DRAXIN: variants seen among roughly 807,000 people sequenced by gnomAD.
The protein encoded by DRAXIN is dorsal inhibitory axon guidance protein.
A neutral mutation model predicts 33.9 loss-of-function variants in DRAXIN; 27 were observed. The ratio of observed to expected loss-of-function variants is 0.80; its 90% CI spans 0.59 to 1.10. The LOEUF (loss-of-function observed/expected upper bound fraction) is 1.10. DRAXIN is among the 50% of genes least tolerant of loss of function. The pLI is 0.00. For synonymous variants in DRAXIN, 178 were observed against 194.0 expected, an observed-to-expected ratio of 0.92 and a Z score of 0.69; for missense variants, 371 against 460.8, an observed-to-expected ratio of 0.81 and a Z score of 1.78.
At position 11,706,474 on chromosome 1, in the gene DRAXIN, C is replaced by T; in HGVS notation, c.216C>T (p.Pro72=). The change falls in exon 2 of 7, where the codon CCC becomes CCT. Residue 72 remains proline, a synonymous_variant. Transcript: ENST00000294485. The surrounding 1 kb of genome is among the most constrained non-coding windows in gnomAD (Gnocchi z 5.5). ...PGKKEWGPGL[P]SQAQDGAVVT... Reference sequence around the variant, plus strand: ...AGAAGGAGTGGGGCCCAGGCCTGCCCAGCCAGGCCCAGGATGGGGCTGTGG... The same window carrying T: ...AGAAGGAGTGGGGCCCAGGCCTGCCTAGCCAGGCCCAGGATGGGGCTGTGG... The T allele has an allele frequency of 6.2e-7, 1 of 1,610,826 alleles. No homozygotes were observed.
rs927726918 is a variant in DRAXIN at position 11,704,930 on chromosome 1, TC to T, written c.-10-1313del. Reference sequence around the variant, plus strand: ...ACCCTGCGAGGCTGGAGAAGGTGTTTCCCCCCTCCCCTCCACGAGTGCGTGG... The same window carrying T: ...ACCCTGCGAGGCTGGAGAAGGTGTTTCCCCCTCCCCTCCACGAGTGCGTGG... On this transcript the variant is annotated intron_variant, in intron 1 of 6. Transcript: ENST00000294485. The surrounding 1 kb of genome is among the most constrained non-coding windows in gnomAD (Gnocchi z 4.6). Among the ~76,000 whole-genome samples the T allele has an allele frequency of 3.3e-5, 5 of 151,864 alleles. No homozygotes were observed. The highest frequency in any genetic ancestry group is 4.4e-5 in the Non-Finnish European group (3 of 67,956).
rs1641732595 is a variant in DRAXIN at position 11,725,467 on chromosome 1, A to G, written c.*5771A>G. The G allele has an allele frequency of 6.6e-6, 1 of 152,240 alleles. No individual in the cohort carries two copies. Among genetic ancestry groups the G allele is most frequent in the African/African-American group, 2.4e-5 (1 of 41,446 alleles). 9.4% of individuals were successfully genotyped at this position (152,240 alleles called of 1,614,324 possible). On this transcript the variant is annotated 3_prime_UTR_variant, in exon 7 of 7. Coordinates refer to ENST00000294485, the MANE Select transcript of DRAXIN (RefSeq NM_198545.4). ...TTGGGCACGATCAAATTTGAGAATC[A>G]CAGGTCTAGGATACGACGGGGAAAA...
At chr1:11,688,639 C>T (rs1021502038), upstream of DRAXIN, among the ~76,000 whole-genome samples, 1 of 152,154 alleles carries the variant, frequency 6.6e-6, no homozygotes, top group Non-Finnish European at 1.5e-5. This position sits in a 1 kb window ranked among gnomAD's most constrained non-coding sequence, Gnocchi z 4.6. Context: ...CTCATGGTCC[C>T]TCTAAAAAGC....
In DRAXIN at chr1:11,724,658, C is replaced by A. The variant is rs1026873377; in HGVS notation, c.*4962C>A. On this transcript the variant is annotated 3_prime_UTR_variant, in exon 7 of 7. Transcript: ENST00000294485. ...GAGGTGGTGGGCACACGGCCCCTGC[C>A]GTGGGGCTCACTCTGCAGCTGGAGA... 2 of 152,274 alleles carry A rather than the reference C, an allele frequency of 1.3e-5. No individual in the cohort carries two copies. Among genetic ancestry groups the A allele is most frequent in the Non-Finnish European group, 2.9e-5 (2 of 68,056 alleles). The allele number at this position is 152,274 out of a possible 1,614,324, so 9.4% of individuals were successfully genotyped here. A position where few individuals can be genotyped will look rare whatever the true frequency, so the allele number is the denominator to read the frequency against.
chr1:11,712,669 C>T lies in DRAXIN; in HGVS notation c.847+240C>T, dbSNP rs550053076. ...ATCCCAGCACTATGGGAGGCTGAGGCGGGTGGAACACCTGAGGTCAGGAGT... is the reference window on the plus strand; with the variant it reads ...ATCCCAGCACTATGGGAGGCTGAGGTGGGTGGAACACCTGAGGTCAGGAGT... On this transcript the variant is annotated intron_variant, in intron 5 of 6. Transcript: ENST00000294485. 6.6e-5 allele frequency among the ~76,000 whole-genome samples: 10 copies of T among 152,250 alleles called. No individual in the cohort carries two copies. The South Asian group carries it at 1.7e-3, about 25-fold the overall frequency.
intron 3 of DRAXIN, among the ~76,000 whole-genome samples, chr1:11,710,100 G>A (rs901927589): frequency 1.1e-4 from 17 of 151,416 alleles, no homozygotes; most frequent in Non-Finnish European, 2.5e-4. Context: ...CAGGAGAATC[G>A]CTTGAACTTG....
rs1364257795 is a variant in DRAXIN at position 11,709,310 on chromosome 1, A to G, written c.487A>G (p.Lys163Glu). 1 of 1,613,566 alleles carries G rather than the reference A, an allele frequency of 6.2e-7. No individual in the cohort carries two copies. The highest frequency in any genetic ancestry group is 1.3e-5 in the African/African-American group (1 of 74,924). The change falls in exon 3 of 7, where the codon AAG becomes GAG. Residue 163 changes from lysine to glutamate, a missense_variant. Lys to Glu is a moderately conservative substitution (Grantham distance 56, BLOSUM62 1). Coordinates refer to ENST00000294485, the MANE Select transcript of DRAXIN (RefSeq NM_198545.4). ...GGTCCGAGGTCCCAGCTCCCTGATG[A>G]AGAAGGCAGAGCTCTCCGAAGCCCA... Reference protein sequence around the residue: ...ALVRGPSSLMKKAELSEAQVL... With the variant: ...ALVRGPSSLMEKAELSEAQVL...
Position 11,692,785 on chromosome 1 carries a change from G to A in DRAXIN, c.-11+932G>A, listed in dbSNP as rs2100726947. Among the ~76,000 whole-genome samples the A allele has an allele frequency of 6.6e-6, 1 of 152,262 alleles. No homozygotes were observed. Among genetic ancestry groups the A allele is most frequent in the Non-Finnish European group, 1.5e-5 (1 of 68,002 alleles). On this transcript the variant is annotated intron_variant, in intron 1 of 6. Coordinates refer to ENST00000294485, the MANE Select transcript of DRAXIN (RefSeq NM_198545.4). This position sits in a 1 kb window ranked among gnomAD's most constrained non-coding sequence, Gnocchi z 5.8. The stretch of plus-strand genomic sequence containing the variant: ...GTTCAGTACTATGCATCTGGAGTCG[G>A]GTACACTGGGGCTCTGGGAGTGATC...
In DRAXIN at chr1:11,722,449, T is replaced by C. The variant is rs34219540; in HGVS notation, c.*2753T>C. ...CCCGTCTCTTTGCCCTAGCTATCTC[T>C]ATTTGACATTTCCAAAGAGGGATGG... On this transcript the variant is annotated 3_prime_UTR_variant, in exon 7 of 7. Transcript: ENST00000294485. The C allele has an allele frequency of 0.53, 80,822 of 152,028 alleles. 22,030 individuals are homozygous for C. Among genetic ancestry groups the C allele is most frequent in the South Asian group, 0.61 (2,924 of 4,816 alleles). The allele number at this position is 152,028 out of a possible 1,614,324, so 9.4% of individuals were successfully genotyped here.
intron 5 of DRAXIN, among the ~76,000 whole-genome samples, chr1:11,714,111 A>G (rs1641538083): frequency 6.6e-6 from 1 of 152,192 alleles, no homozygotes; most frequent in South Asian, 2.1e-4. Flanking sequence ...AGGCTAAGGC[A>G]GGAGGATCAC....
chr1:11,710,739 C>T (rs1231472273), intron 3 of DRAXIN, among the ~76,000 whole-genome samples: 3 of 144,458 alleles, frequency 2.1e-5, no homozygotes, highest in Non-Finnish European at 4.5e-5. Context: ...ATGGTGAAAC[C>T]CCATCTCTAC....
chr1:11,696,133 G>A lies in DRAXIN; in HGVS notation c.-11+4280G>A, dbSNP rs994336092. ...GAGGACAGAGGACGCAGCCACCTGC[G>A]CCTGCCCCTTTGCACACCCAGGCAC... On this transcript the variant is annotated intron_variant, in intron 1 of 6. Coordinates refer to ENST00000294485, the MANE Select transcript of DRAXIN (RefSeq NM_198545.4). This position sits in a 1 kb window ranked among gnomAD's most constrained non-coding sequence, Gnocchi z 4.7. Among the ~76,000 whole-genome samples, 9 of 152,114 alleles carry A rather than the reference G, an allele frequency of 5.9e-5. No homozygotes were observed. Among genetic ancestry groups the A allele is most frequent in the Non-Finnish European group, 1.0e-4 (7 of 68,018 alleles).
At chr1:11,715,787 C>T (rs1039406712) in intron 6 of DRAXIN, among the ~76,000 whole-genome samples, 8 of 152,176 alleles carry the variant, frequency 5.3e-5, no homozygotes, top group African/African-American at 9.7e-5. Context: ...TATGATGATC[C>T]GCACTGTACA....
chr1:11,695,606 A>AT (rs1641178728), intron 1 of DRAXIN, among the ~76,000 whole-genome samples: 1 of 95,426 alleles, frequency 1.0e-5, no homozygotes, highest in East Asian at 2.8e-4. Context: ...TGTCTCAAAA[A>AT]AAAAAATATA....
chr1:11,688,135 C>T (rs926842266), upstream of DRAXIN, among the ~76,000 whole-genome samples: 8 of 152,308 alleles, frequency 5.3e-5, no homozygotes, highest in Middle Eastern at 6.8e-3. This position sits in a 1 kb window ranked among gnomAD's most constrained non-coding sequence, Gnocchi z 4.6. Flanking sequence ...TCCTTGGCGA[C>T]GCAAATCATG....
At chr1:11,690,690 G>C (rs1207072938), upstream of DRAXIN, among the ~76,000 whole-genome samples, 2 of 152,222 alleles carry the variant, frequency 1.3e-5, no homozygotes, top group East Asian at 3.8e-4. The surrounding 1 kb of genome is among the most constrained non-coding windows in gnomAD (Gnocchi z 4.2). Flanking sequence ...ACATATGGGA[G>C]TCCGGCCCCA....
rs1008868252 is a variant in DRAXIN at position 11,692,246 on chromosome 1, T to C, written c.-11+393T>C. On this transcript the variant is annotated intron_variant, in intron 1 of 6. Transcript: ENST00000294485. The surrounding 1 kb of genome is among the most constrained non-coding windows in gnomAD (Gnocchi z 5.8). ...CAGTCTCCCTTTGTCTCTCTGTCTC[T>C]GAGTCTCCGGGTGGTCTCTCAGGCA... Among the ~76,000 whole-genome samples the C allele has an allele frequency of 6.6e-6, 1 of 152,214 alleles. No individual in the cohort carries two copies. Among genetic ancestry groups the C allele is most frequent in the Non-Finnish European group, 1.5e-5 (1 of 68,030 alleles).
chr1:11,717,979 C>T lies in DRAXIN; in HGVS notation c.938-1605C>T, dbSNP rs1356474231. Among the ~76,000 whole-genome samples, 3 of 119,514 alleles carry T rather than the reference C, an allele frequency of 2.5e-5. No individual in the cohort carries two copies. In the East Asian group the frequency reaches 7.1e-4, roughly 28 times the overall value. The allele number at this position is 119,514 out of a possible 152,430, so 78.4% of individuals were successfully genotyped here. A position where few individuals can be genotyped will look rare whatever the true frequency, so the allele number is the denominator to read the frequency against. On this transcript the variant is annotated intron_variant, in intron 6 of 6. Coordinates refer to ENST00000294485, the MANE Select transcript of DRAXIN (RefSeq NM_198545.4). ...CCATGCCACTGCACTCCAGTCCAGG[C>T]AACAGAGCAAGACCCTGTCTCAAAA... is the stretch of plus-strand genomic sequence containing the variant.
At position 11,692,753 on chromosome 1, in the gene DRAXIN, G is replaced by A. The variant is rs1358608602; in HGVS notation, c.-11+900G>A. Among the ~76,000 whole-genome samples the A allele has an allele frequency of 6.6e-6, 1 of 152,180 alleles. No individual in the cohort carries two copies. Among genetic ancestry groups the A allele is most frequent in the Non-Finnish European group, 1.5e-5 (1 of 68,020 alleles). On this transcript the variant is annotated intron_variant, in intron 1 of 6. Transcript: ENST00000294485. This position sits in a 1 kb window ranked among gnomAD's most constrained non-coding sequence, Gnocchi z 5.8. ...CCAGCCCAGTGACACACTGGTGTCT[G>A]GAACCGGTTCAGTACTATGCATCTG...
Sources: gnomAD v4.1 joint callset for allele counts (sites outside exome capture counted in the v4.1 genomes callset) on GRCh38, gnomAD v4.1.1 for gene constraint, Gnocchi (gnomAD v3.1) non-coding constraint, MANE v1.5 for transcripts, NCBI Gene and HGNC (gene_info 2026-07-23, HGNC 2026-07-21) for gene names.